The following CFAP74 variants were observed in gnomAD, a reference collection of about 807,000 sequenced individuals.
The protein encoded by CFAP74 is cilia and flagella associated protein 74.
Under a neutral mutation model 188.9 loss-of-function variants are expected in CFAP74, and 124 were observed. That is an observed-to-expected ratio of 0.66 (90% CI 0.57 to 0.76). CFAP74 has a LOEUF of 0.76. Among genes scored for constraint, CFAP74 ranks in the 30% least tolerant of loss-of-function variants. CFAP74 has a pLI of 0.00. For missense variants in CFAP74, 2,198 were observed against 2,165.2 expected (o/e 1.02, Z -0.30); for synonymous variants, 956 against 916.7 (o/e 1.04, Z -0.77).
chr1:1,959,085 C>T (rs1455696842), intron 16 of CFAP74, 35 bp downstream of exon 16: 2 of 1,485,700 alleles, frequency 1.3e-6, no homozygotes, highest in African/African-American at 2.8e-5. Context: ...CCAGCATGCC[C>T]CGAGAAATGC....
intron 28 of CFAP74, 25 bp downstream of exon 28, chr1:1,927,582 G>C (rs1309940390): frequency 3.9e-6 from 6 of 1,543,484 alleles, no homozygotes; most frequent in Non-Finnish European, 5.2e-6. Flanking sequence ...AGGGAAGCAG[G>C]TGGGGCAGCC....
At chr1:1,934,376 A>ACGTGGGTGTTAGGTTGTAGGTACACAGG (rs1652662768) in intron 25 of CFAP74, among the ~76,000 whole-genome samples, 11 of 35,592 alleles carry the variant, frequency 3.1e-4, no homozygotes, top group South Asian at 8.6e-4. Context: ...AGGTACACAC[A>ACGTGGGTGTTAGGTTGTAGGTACACAGG]TGTGTACGTG....
At position 1,943,979 on chromosome 1, in the gene CFAP74, G is replaced by C. The variant is rs370490503; in HGVS notation, c.2486+352C>G. Among the ~76,000 whole-genome samples, 33 of 152,260 alleles carry C rather than the reference G, an allele frequency of 2.2e-4. 2 individuals are homozygous for C. Among genetic ancestry groups the C allele is most frequent in the East Asian group, 1.4e-3 (7 of 5,176 alleles). On this transcript the variant is annotated intron_variant, in intron 21 of 38. Coordinates refer to ENST00000682832, the MANE Select transcript of CFAP74 (RefSeq NM_001304360.2). ...AGTGTCTTCAAATCGGCCTGACTCT[G>C]ACCCTCCTGCCTCCCTGTGACGCCT...
At chr1:1,988,838 C>CCCCACCCCCACCCCCCCACA (rs1403792859) in intron 3 of CFAP74, 51 bp downstream of exon 3, 1 of 389,998 alleles carries the variant, frequency 2.6e-6, no homozygotes, top group Non-Finnish European at 4.7e-6. Flanking sequence ...CCACCCCCAC[C>CCCCACCCCCACCCCCCCACA]CCCACCCCCA....
intron 1 of CFAP74, among the ~76,000 whole-genome samples, chr1:2,000,989 A>G (rs1232943799): frequency 1.3e-5 from 2 of 152,162 alleles, no homozygotes; most frequent in African/African-American, 4.8e-5. Context: ...TGGGTAGGGC[A>G]GGTGGAGCAG....
At chr1:1,959,241 A>C in intron 15 of CFAP74, 32 bp from the exon 16 acceptor site, 75 of 1,303,460 alleles carry the variant, frequency 5.8e-5, no homozygotes, top group Non-Finnish European at 8.1e-5. Context: ...ACCACAATAC[A>C]CTTCTGCAAC....
At position 1,958,748 on chromosome 1, in the gene CFAP74, G is replaced by A. The variant is rs180781521; in HGVS notation, c.1851+372C>T. On this transcript the variant is annotated intron_variant, in intron 16 of 38. Transcript: ENST00000682832. The stretch of plus-strand genomic sequence containing the variant: ...GTTGCAGCGCGTGGAGCCTTGTTCT[G>A]CTGTTCTGTTTTCCTCTATGCTTGA... Among the ~76,000 whole-genome samples the A allele has an allele frequency of 2.0e-5, 3 of 150,138 alleles. No homozygotes were observed. In the East Asian group the frequency reaches 5.8e-4, roughly 29 times the overall value.
intron 1 of CFAP74, among the ~76,000 whole-genome samples, chr1:1,997,641 C>G (rs1657986341): frequency 6.6e-6 from 1 of 152,066 alleles, no homozygotes; most frequent in Non-Finnish European, 1.5e-5. Context: ...TTTAGAAAAG[C>G]TACCGTTTAT....
At chr1:1,948,301 C>A (rs1374698096) in intron 18 of CFAP74, among the ~76,000 whole-genome samples, 1 of 152,058 alleles carries the variant, frequency 6.6e-6, no homozygotes, top group African/African-American at 2.4e-5. Context: ...GAGACGAGGT[C>A]TCACTCTGTT....
At chr1:1,974,250 G>T (rs776937617) in intron 6 of CFAP74, 52 bp from the exon 7 acceptor site, 3 of 1,524,712 alleles carry the variant, frequency 2.0e-6, no homozygotes, top group African/African-American at 2.8e-5. Context: ...TCATCCTGGG[G>T]TGGGGGTTTC....
At chr1:1,982,172 C>A (rs1295759119) in intron 6 of CFAP74, among the ~76,000 whole-genome samples, 2 of 151,526 alleles carry the variant, frequency 1.3e-5, no homozygotes, top group Non-Finnish European at 2.9e-5. Context: ...GGACACCCAG[C>A]CACGGACAGA....
chr1:1,950,315 C>T (rs1654126240), intron 18 of CFAP74, among the ~76,000 whole-genome samples: 1 of 151,334 alleles, frequency 6.6e-6, no homozygotes, highest in South Asian at 2.1e-4. Context: ...TCTGGTGAAG[C>T]ATCTGTTCAG....
At chr1:1,991,841 T>G (rs6605077) in intron 1 of CFAP74, among the ~76,000 whole-genome samples, 2 of 151,610 alleles carry the variant, frequency 1.3e-5, no homozygotes, top group African/African-American at 2.4e-5. Flanking sequence ...AGATCGAGAC[T>G]ATCCTGGCTA....
At chr1:1,977,792 G>A (rs1023146755) in intron 6 of CFAP74, among the ~76,000 whole-genome samples, 3 of 152,358 alleles carry the variant, frequency 2.0e-5, no homozygotes, top group African/African-American at 4.8e-5. Flanking sequence ...ATGCCAGAAA[G>A]TCATGCAGAA....
At position 1,978,459 on chromosome 1, in the gene CFAP74, G is replaced by A. The variant is rs371557682; in HGVS notation, c.501-4261C>T. Among the ~76,000 whole-genome samples, 35 of 152,210 alleles carry A rather than the reference G, an allele frequency of 2.3e-4. No homozygotes were observed. The South Asian group carries it at 6.2e-3, about 27-fold the overall frequency. ...TTGGGGCGGTGGTTAATTGATTTTG[G>A]GGTCCCTAGGGCTGAAGTAGATGGG... On this transcript the variant is annotated intron_variant, in intron 6 of 38. Coordinates refer to ENST00000682832, the MANE Select transcript of CFAP74 (RefSeq NM_001304360.2).
At chr1:1,962,292 A>G (rs1281432501) in intron 14 of CFAP74, among the ~76,000 whole-genome samples, 1 of 152,056 alleles carries the variant, frequency 6.6e-6, no homozygotes, top group African/African-American at 2.4e-5. Context: ...CCTGGCCAAC[A>G]TGGTGAAACC....
At position 1,968,553 on chromosome 1, in the gene CFAP74, G is replaced by A. The variant is rs550701698; in HGVS notation, c.1245+82C>T. On this transcript the variant is annotated intron_variant, in intron 11 of 38. Transcript: ENST00000682832. The surrounding 1 kb of genome is among the most constrained non-coding windows in gnomAD (Gnocchi z 4.3). ...CATGGTGCTGAGGTCCTCAGAGGAT[G>A]TCTCACCACACCTGAGCCCTGAGGC... is the stretch of plus-strand genomic sequence containing the variant. The A allele has an allele frequency of 6.5e-6, 8 of 1,230,966 alleles. No individual in the cohort carries two copies. In the South Asian group the frequency reaches 6.8e-5, roughly 10 times the overall value. The allele number at this position is 1,230,966 out of a possible 1,614,324, so 76.3% of individuals were successfully genotyped here. A position where few individuals can be genotyped will look rare whatever the true frequency, so the allele number is the denominator to read the frequency against.
chr1:1,988,779 A>G (rs890316763), intron 3 of CFAP74, 110 bp downstream of exon 3: 2 of 1,264,804 alleles, frequency 1.6e-6, no homozygotes, highest in African/African-American at 1.5e-5. Flanking sequence ...CGGGAGCTAC[A>G]GCCTGTGGGA....
chr1:1,949,715 CCTTT>C (rs1654089683), intron 18 of CFAP74, among the ~76,000 whole-genome samples: 1 of 152,122 alleles, frequency 6.6e-6, no homozygotes, highest in Non-Finnish European at 1.5e-5. Context: ...TACAGTTTTG[CCTTT>C]TTTTAGCCAA....
Sources: gnomAD v4.1 joint callset for allele counts (sites outside exome capture counted in the v4.1 genomes callset) on GRCh38, gnomAD v4.1.1 for gene constraint, Gnocchi (gnomAD v3.1) non-coding constraint, MANE v1.5 for transcripts, NCBI Gene and HGNC (gene_info 2026-07-23, HGNC 2026-07-21) for gene names.